CALD1: variants seen among roughly 807,000 people sequenced by gnomAD.
The protein encoded by CALD1 is caldesmon 1.
A neutral mutation model predicts 99.9 loss-of-function variants in CALD1; 33 were observed. The observed-to-expected ratio is 0.33, with a 90% CI of 0.25 to 0.44. The LOEUF (loss-of-function observed/expected upper bound fraction) is 0.44. Ranked by LOEUF, CALD1 falls within the 20% of genes least tolerant of loss-of-function variation. CALD1 has a pLI of 1.00. For synonymous variants in CALD1, 310 were observed against 325.0 expected (o/e 0.95, Z 0.50); for missense variants, 861 against 962.1 (o/e 0.89, Z 1.39).
chr7:134,858,375 A>G (rs1292426933), intron 2 of CALD1, among the ~76,000 whole-genome samples: 1 of 152,088 alleles, frequency 6.6e-6, no homozygotes, highest in African/African-American at 2.4e-5. Context: ...AGGAAAATGG[A>G]GAGAGTACCA....
the CALD1 span, among the ~76,000 whole-genome samples, chr7:134,737,521 G>T: frequency 9.9e-5 from 15 of 151,852 alleles, no homozygotes; most frequent in African/African-American, 3.4e-4. Flanking sequence ...TTTGGTCATG[G>T]TATTGTTTAT....
chr7:134,711,726 G>GTGTCTC, the CALD1 span, among the ~76,000 whole-genome samples: 599 of 96,676 alleles, frequency 6.2e-3, 6 homozygotes, highest in East Asian at 7.7e-3. Context: ...GTGTGTGTGT[G>GTGTCTC]TCTCTCTCTC....
At chr7:134,825,838 T>C (rs951240331) in intron 1 of CALD1, among the ~76,000 whole-genome samples, 1 of 152,118 alleles carries the variant, frequency 6.6e-6, no homozygotes, top group Non-Finnish European at 1.5e-5. Flanking sequence ...GGTAGATCCC[T>C]GTACAGACTG....
upstream of CALD1, among the ~76,000 whole-genome samples, chr7:134,777,922 G>C (rs566812833): frequency 6.6e-6 from 1 of 152,318 alleles, no homozygotes; most frequent in East Asian, 1.9e-4. Context: ...ATTTATCTGG[G>C]ATCAGAAGAC....
intron 1 of CALD1, among the ~76,000 whole-genome samples, chr7:134,805,835 A>T (rs191133753): frequency 4.6e-4 from 70 of 150,992 alleles, no homozygotes; most frequent in African/African-American, 1.5e-3. Flanking sequence ...ATCTCGGCTC[A>T]CTGCAACCTC....
chr7:134,823,982 C>T (rs1020206245), intron 1 of CALD1, among the ~76,000 whole-genome samples: 18 of 152,040 alleles, frequency 1.2e-4, no homozygotes, highest in African/African-American at 4.1e-4. Context: ...CAGAACATTA[C>T]CAGAAGGGGG....
chr7:134,745,469 G>T (rs1303855580), intron 1 of CALD1: 1 of 152,182 alleles, frequency 6.6e-6, no homozygotes, highest in Non-Finnish European at 1.5e-5. Context: ...CTGTTTTCAA[G>T]AATTCTGGAT....
chr7:134,900,178 T>G (rs1013016896), intron 3 of CALD1: 1 of 151,514 alleles, frequency 6.6e-6, no homozygotes, highest in African/African-American at 2.5e-5. Flanking sequence ...CAAAGGCCAC[T>G]GCTCATCAGC....
intron 1 of CALD1, among the ~76,000 whole-genome samples, chr7:134,767,224 T>TGTGTGC (rs896456530): frequency 3.9e-4 from 58 of 148,038 alleles, no homozygotes; most frequent in African/African-American, 1.4e-3. Flanking sequence ...TGTGTGTGTG[T>TGTGTGC]GCGTGTGTGA....
At chr7:134,713,762 G>C in the CALD1 span, among the ~76,000 whole-genome samples, 1 of 152,134 alleles carries the variant, frequency 6.6e-6, no homozygotes, top group African/African-American at 2.4e-5. Context: ...CAGAACAGTA[G>C]CTTAGAAAAT....
intron 1 of CALD1, among the ~76,000 whole-genome samples, chr7:134,748,231 T>C (rs760119276): frequency 6.6e-6 from 1 of 152,220 alleles, no homozygotes; most frequent in African/African-American, 2.4e-5. Flanking sequence ...TCGTTTTATT[T>C]TGGAAGCACT....
chr7:134,802,984 A>T (rs2131856492), intron 1 of CALD1, among the ~76,000 whole-genome samples: 1 of 152,336 alleles, frequency 6.6e-6, no homozygotes, highest in Admixed American at 6.5e-5. Context: ...CACTGCGGTG[A>T]TGCTGTTTTT....
intron 3 of CALD1, among the ~76,000 whole-genome samples, chr7:134,882,481 G>A (rs1024062857): frequency 5.3e-5 from 8 of 152,132 alleles, no homozygotes; most frequent in Middle Eastern, 6.8e-3. Flanking sequence ...TATTTACTCC[G>A]GTACTCAAGC....
intron 1 of CALD1, among the ~76,000 whole-genome samples, chr7:134,781,420 C>T (rs559588051): frequency 6.6e-6 from 1 of 152,118 alleles, no homozygotes; most frequent in Non-Finnish European, 1.5e-5. Flanking sequence ...GCTCCCCACC[C>T]CCAACAACCA....
intron 3 of CALD1, among the ~76,000 whole-genome samples, chr7:134,919,752 TA>T (rs1188768124): frequency 1.3e-5 from 2 of 152,164 alleles, no homozygotes; most frequent in African/African-American, 4.8e-5. Context: ...ACAACACTGA[TA>T]CAGCAATGAA....
intron 13 of CALD1, 181 bp from the exon 14 acceptor site, chr7:134,965,125 A>T: frequency 7.6e-6 from 4 of 523,316 alleles, no homozygotes; most frequent in South Asian, 6.4e-5. Context: ...CAAAAAAAAT[A>T]AAAAAATAAA....
chr7:134,774,107 T>C (rs1278986157), intron 1 of CALD1, among the ~76,000 whole-genome samples: 1 of 148,716 alleles, frequency 6.7e-6, no homozygotes, highest in African/African-American at 2.6e-5. Context: ...GAGACAGAGG[T>C]TGCAGTGAGC....
At chr7:134,848,605 G>T (rs1255059100) in intron 2 of CALD1, among the ~76,000 whole-genome samples, 2 of 152,164 alleles carry the variant, frequency 1.3e-5, no homozygotes, top group East Asian at 3.8e-4. Context: ...AGACGAGAAT[G>T]AATGCAAACA....
intron 7 of CALD1, among the ~76,000 whole-genome samples, chr7:134,943,080 T>C (rs1806579492): frequency 6.6e-6 from 1 of 152,218 alleles, no homozygotes; most frequent in East Asian, 1.9e-4. Flanking sequence ...ATGTGAGTTT[T>C]AGTTTCAATT....
Sources: allele counts gnomAD v4.1 joint callset (sites outside exome capture counted in the v4.1 genomes callset), GRCh38; gene constraint gnomAD v4.1.1; transcripts MANE v1.5; gene names NCBI Gene and HGNC (gene_info 2026-07-23, HGNC 2026-07-21).